The following SMG9 variants were observed in gnomAD, a reference collection of about 807,000 sequenced individuals.
SMG9 encodes nonsense-mediated mRNA decay factor SMG9.
Under a neutral mutation model 64.0 loss-of-function variants are expected in SMG9, and 55 were observed. That is an observed-to-expected ratio of 0.86 (90% confidence interval 0.69 to 1.08). SMG9 has a LOEUF of 1.08. Ranked by LOEUF, SMG9 falls within the 50% of genes least tolerant of loss-of-function variation. SMG9 has a pLI of 0.00. For synonymous variants in SMG9, 244 were observed against 254.8 expected (o/e 0.96, Z 0.41); for missense variants, 554 against 681.3 (o/e 0.81, Z 2.08).
rs1000537148 is a variant in SMG9 at position 43,730,804 on chromosome 19, G to C, written c.*792C>G. On this transcript the variant is annotated 3_prime_UTR_variant, in exon 14 of 14. Coordinates refer to ENST00000270066, the MANE Select transcript of SMG9 (RefSeq NM_019108.4). ...GCTGGTCTCGAACTCCTGATCTCAA[G>C]TGATCCGCCTGCCTCGGCCTCCCAA... 6.6e-6 allele frequency: 1 copy of C among 152,400 alleles called. No homozygotes were observed. The highest frequency in any genetic ancestry group is 1.5e-5 in the Non-Finnish European group (1 of 68,122). The allele number at this position is 152,400 out of a possible 1,614,324, so 9.4% of individuals were successfully genotyped here.
At chr19:43,752,157 T>C (rs1969207886) in intron 1 of SMG9, among the ~76,000 whole-genome samples, 1 of 152,246 alleles carries the variant, frequency 6.6e-6, no homozygotes, top group South Asian at 2.1e-4. Context: ...TTTCAGTGTC[T>C]GTCTGTCTTC....
chr19:43,728,909 G>T lies in SMG9; in HGVS notation c.*2687C>A. 1 of 830,126 alleles carries T rather than the reference G, an allele frequency of 1.2e-6. No individual in the cohort carries two copies. The highest frequency in any genetic ancestry group is 1.5e-6 in the Non-Finnish European group (1 of 688,378). 51.4% of individuals were successfully genotyped at this position (830,126 alleles called of 1,614,324 possible). A position where few individuals can be genotyped will look rare whatever the true frequency, so the allele number is the denominator to read the frequency against. On this transcript the variant is annotated 3_prime_UTR_variant, in exon 14 of 14. Transcript: ENST00000270066. Reference sequence around the variant, plus strand: ...TTCCACCTGCTGGGAATGATGAAGGGACTGGAGAGCCACAAGCAGCAGGCA... The same window carrying T: ...TTCCACCTGCTGGGAATGATGAAGGTACTGGAGAGCCACAAGCAGCAGGCA...
chr19:43,748,709 G>A (rs1382186661), intron 2 of SMG9: 1 of 520,184 alleles, frequency 1.9e-6, no homozygotes, highest in East Asian at 5.4e-5. Flanking sequence ...GGAGAAATCT[G>A]AGTCTGAGTC....
intron 10 of SMG9, 50 bp downstream of exon 10, chr19:43,734,339 C>T (rs1241964670): frequency 7.0e-7 from 1 of 1,429,448 alleles, no homozygotes; most frequent in Admixed American, 2.0e-5. Flanking sequence ...GACTTTCAGC[C>T]CCTCATTTTT....
intron 2 of SMG9, among the ~76,000 whole-genome samples, chr19:43,749,473 T>G (rs540715141): frequency 2.6e-5 from 4 of 152,220 alleles, no homozygotes; most frequent in African/African-American, 9.6e-5. Flanking sequence ...AACCTGAAGG[T>G]GTGGCGGGAT....
intron 5 of SMG9, among the ~76,000 whole-genome samples, chr19:43,745,923 C>T (rs145905675): frequency 0.024 from 3,728 of 152,294 alleles, 49 homozygotes; most frequent in Non-Finnish European, 0.029. Context: ...ATTGCTTGAA[C>T]CCGGGAGGCG....
chr19:43,735,179 C>G (rs758505179), intron 9 of SMG9, among the ~76,000 whole-genome samples: 12 of 152,176 alleles, frequency 7.9e-5, no homozygotes, highest in Non-Finnish European at 1.6e-4. Flanking sequence ...TCCTCTATGT[C>G]TTTTTATGGT....
rs1406951715 is a variant in SMG9, at chr19:43,747,797, C to G, written c.326G>C (p.Gly109Ala). 6.2e-7 allele frequency: 1 copy of G among 1,605,382 alleles called. No individual in the cohort carries two copies. Among genetic ancestry groups the G allele is most frequent in the Non-Finnish European group, 8.5e-7 (1 of 1,175,742 alleles). The change falls in exon 4 of 14, where the codon GGG becomes GCG. Residue 109 changes from glycine (G) to alanine (A), a missense_variant. Transcript: ENST00000270066. Reference sequence around the variant, plus strand: ...AGAGGCACCTGTCACGGCCACAGGCCCCTTCCCCTCCTCCCGTGGCTTCAT... The same window carrying G: ...AGAGGCACCTGTCACGGCCACAGGCGCCTTCCCCTCCTCCCGTGGCTTCAT... Reference protein sequence around the residue: ...VLMKPREEGKGPVAVTGASTP... With the variant: ...VLMKPREEGKAPVAVTGASTP...
chr19:43,739,925 G>A, intron 7 of SMG9, 182 bp downstream of exon 7: 1 of 605,922 alleles, frequency 1.7e-6, no homozygotes, highest in South Asian at 1.9e-5. Context: ...AATGAGATGG[G>A]GGCAAAAGTG....
intron 9 of SMG9, 89 bp from the exon 10 acceptor site, chr19:43,734,584 G>A: frequency 1.2e-6 from 1 of 800,384 alleles, no homozygotes; most frequent in Non-Finnish European, 2.1e-6. Context: ...AGATTCTGAT[G>A]AAAGCTACAG....
chr19:43,747,109 G>A (rs897660214), intron 5 of SMG9, among the ~76,000 whole-genome samples: 14 of 152,092 alleles, frequency 9.2e-5, no homozygotes, highest in African/African-American at 2.7e-4. Flanking sequence ...TGAGCCACCA[G>A]CAAGGGTTTC....
At chr19:43,752,940 A>T (rs534256681) in intron 1 of SMG9, among the ~76,000 whole-genome samples, 61 of 150,908 alleles carry the variant, frequency 4.0e-4, no homozygotes, top group African/African-American at 1.5e-3. Flanking sequence ...TCAAAAAAAC[A>T]GTTTGCTGAC....
At position 43,735,614 on chromosome 19, in the gene SMG9, C is replaced by CAAAAAAAAAAAA. The variant is rs889721095; in HGVS notation, c.996-1131_996-1120dup. Among the ~76,000 whole-genome samples the CAAAAAAAAAAAA allele has an allele frequency of 5.6e-4, 29 of 51,538 alleles. 1 individual carries two copies. Among genetic ancestry groups the CAAAAAAAAAAAA allele is most frequent in the African/African-American group, 2.1e-3 (28 of 13,264 alleles). The allele number at this position is 51,538 out of a possible 152,430, so 33.8% of individuals were successfully genotyped here. A position where few individuals can be genotyped will look rare whatever the true frequency, so the allele number is the denominator to read the frequency against. ...TGGGTAACAGAGTGAGACTCTGTCT[C>CAAAAAAAAAAAA]AAAAAAAAAAAAAAAAAAAAAAAAA... On this transcript the variant is annotated intron_variant, in intron 9 of 13. Transcript: ENST00000270066.
intron 1 of SMG9, among the ~76,000 whole-genome samples, chr19:43,753,498 T>C (rs1052609736): frequency 1.2e-4 from 18 of 149,758 alleles, no homozygotes; most frequent in Admixed American, 2.7e-4. Context: ...TCTTGCTCTG[T>C]TGCCCAGGCT....
At chr19:43,735,045 CCT>C (rs1393326364) in intron 9 of SMG9, among the ~76,000 whole-genome samples, 2 of 152,194 alleles carry the variant, frequency 1.3e-5, no homozygotes, top group African/African-American at 4.8e-5. Context: ...TTCATCCCTC[CCT>C]CTCTCCAACC....
chr19:43,748,617 C>A, intron 2 of SMG9: 1 of 518,830 alleles, frequency 1.9e-6, no homozygotes, highest in South Asian at 1.4e-5. Context: ...CAGCCCCCTC[C>A]TGCTCTGGCA....
At chr19:43,734,779 G>A (rs1197412635) in intron 9 of SMG9, 2 of 291,250 alleles carry the variant, frequency 6.9e-6, no homozygotes, top group Non-Finnish European at 1.3e-5. Context: ...TGAGCAGAAA[G>A]CACGTAGCGT....
chr19:43,740,744 C>T (rs140712861), intron 6 of SMG9, among the ~76,000 whole-genome samples: 372 of 152,178 alleles, frequency 2.4e-3, no homozygotes, highest in Non-Finnish European at 3.7e-3. Context: ...GAGTGCCCTC[C>T]ACTCCCACAG....
Position 43,738,280 on chromosome 19 carries a change from T to C in SMG9, c.814-63A>G, listed in dbSNP as rs1968739537. 3.6e-6 allele frequency: 5 copies of C among 1,404,058 alleles called. No homozygotes were observed. The Admixed American group carries it at 8.4e-5, about 24-fold the overall frequency. 87.0% of individuals were successfully genotyped at this position (1,404,058 alleles called of 1,614,324 possible). ...CCAAGTTTCACACGCTCAAGGCAAA[T>C]ACATTGTCTATCTCAGGACAAAACA... is the stretch of plus-strand genomic sequence containing the variant. On this transcript the variant is annotated intron_variant, in intron 7 of 13. Transcript: ENST00000270066.
Sources: allele counts gnomAD v4.1 joint callset (sites outside exome capture counted in the v4.1 genomes callset), GRCh38; gene constraint gnomAD v4.1.1; transcripts MANE v1.5; gene names NCBI Gene and HGNC (gene_info 2026-07-23, HGNC 2026-07-21).